The following SERPINB4 variants were observed in gnomAD, a reference collection of about 807,000 sequenced individuals.
SERPINB4 encodes the protein serpin B4.
A neutral mutation model predicts 33.2 loss-of-function variants in SERPINB4; 39 were observed. The observed-to-expected ratio is 1.18, with a 90% CI of 0.91 to 1.53. The LOEUF (loss-of-function observed/expected upper bound fraction) is 1.53, where lower values mean the gene tolerates loss of function less well. Among genes scored for constraint, SERPINB4 ranks in the 40% most tolerant of loss-of-function variants. The pLI is 0.00. For synonymous variants in SERPINB4, 191 were observed against 166.4 expected (o/e 1.15, Z -1.14); for missense variants, 564 against 455.4 (o/e 1.24, Z -2.17).
chr18:63,641,668 C>T, intron 4 of SERPINB4, 92 bp downstream of exon 4: 1 of 1,603,554 alleles, frequency 6.2e-7, no homozygotes, highest in African/African-American at 1.3e-5. Flanking sequence ...CTGAGTCGGC[C>T]AGGCTCATCT....
chr18:63,638,056 C>T lies in SERPINB4; in HGVS notation c.836G>A (p.Cys279Tyr). 8 of 1,613,536 alleles carry T rather than the reference C, an allele frequency of 5.0e-6. No homozygotes were observed. Among genetic ancestry groups the T allele is most frequent in the Non-Finnish European group, 6.8e-6 (8 of 1,179,700 alleles). Reference sequence around the variant, plus strand: ...GAACCGAGGTAAGTGTAAATCGACACATGTCTCTCTCATATTCTGCAAACT... The same window carrying T: ...GAACCGAGGTAAGTGTAAATCGACATATGTCTCTCTCATATTCTGCAAACT... ...WTSLQNMRET[C>Y]VDLHLPRFKM... The change falls in exon 8 of 8, where the codon TGT becomes TAT. Residue 279 changes from cysteine to tyrosine, a missense_variant. Physicochemically the swap from Cys to Tyr is radical, Grantham distance 194. Coordinates refer to ENST00000341074, the MANE Select transcript of SERPINB4 (RefSeq NM_002974.4).
In SERPINB4 at chr18:63,641,847, A is replaced by C. The variant is rs767504053; in HGVS notation, c.264T>G (p.Leu88=). The change falls in exon 4 of 8, where the codon CTT becomes CTG. Residue 88 remains leucine (L), a synonymous_variant. Transcript: ENST00000341074. ...CAGTGGATTTGTTGAATTCAGTCAG[A>C]AGCTTTTGAAACTGGTGATGAACAT... ...SGNVHHQFQK[L]LTEFNKSTDA... is the part of the protein sequence containing the mutation. 5 of 1,613,402 alleles carry C rather than the reference A, an allele frequency of 3.1e-6. No homozygotes were observed. The highest frequency in any genetic ancestry group is 4.2e-6 in the Non-Finnish European group (5 of 1,179,532).
chr18:63,643,001 T>A (rs1439642577), intron 3 of SERPINB4, 160 bp downstream of exon 3: 8 of 764,828 alleles, frequency 1.0e-5, no homozygotes, highest in Non-Finnish European at 1.7e-5. Context: ...TGAGGAATAA[T>A]AATTATGTGC....
In SERPINB4 at chr18:63,643,225, A is replaced by G. The variant is rs1913197026; in HGVS notation, c.166-8T>C. ...TTGATCAAAGTGAAGAACCTGGAAG[A>G]GACATGAAGCGGGACAAGAAAACTT... On this transcript the variant is annotated splice_region_variant and splice_polypyrimidine_tract_variant and intron_variant, in intron 2 of 7. Coordinates refer to ENST00000341074, the MANE Select transcript of SERPINB4 (RefSeq NM_002974.4). 6.2e-7 allele frequency: 1 copy of G among 1,613,418 alleles called. No individual in the cohort carries two copies. Among genetic ancestry groups the G allele is most frequent in the Non-Finnish European group, 8.5e-7 (1 of 1,179,628 alleles).
intron 3 of SERPINB4, among the ~76,000 whole-genome samples, chr18:63,642,174 G>C (rs1302900674): frequency 1.3e-5 from 2 of 152,056 alleles, no homozygotes; most frequent in African/African-American, 4.8e-5. Flanking sequence ...TGGTTTAAAG[G>C]GTTAGGTTTA....
At position 63,639,198 on chromosome 18, in the gene SERPINB4, T is replaced by C. The variant is rs1913039568; in HGVS notation, c.755A>G (p.Asp252Gly). The change falls in exon 7 of 8, where the codon GAT becomes GGT. Residue 252 changes from aspartate to glycine, a missense_variant. Physicochemically the swap from Asp to Gly is moderately conservative, Grantham distance 94 (BLOSUM62 -1). Coordinates refer to ENST00000341074, the MANE Select transcript of SERPINB4 (RefSeq NM_002974.4). ...SMIVLLPNEIDGLQKLEEKLT... is the reference protein window; with the variant it reads ...SMIVLLPNEIGGLQKLEEKLT... ...GCAAGTTCTTACCTTCTGCAGACCATCGATTTCATTTGGCAGCAGCACAAT... is the reference window on the plus strand; with the variant it reads ...GCAAGTTCTTACCTTCTGCAGACCACCGATTTCATTTGGCAGCAGCACAAT... 8 of 1,608,606 alleles carry C rather than the reference T, an allele frequency of 5.0e-6. No individual in the cohort carries two copies. Among genetic ancestry groups the C allele is most frequent in the Non-Finnish European group, 5.9e-6 (7 of 1,176,668 alleles).
chr18:63,639,235 C>A lies in SERPINB4; in HGVS notation c.718G>T (p.Asp240Tyr). Residue 240 changes from aspartate (D) to tyrosine (Y), a missense_variant, in exon 7 of 8, where the codon GAT becomes TAT. Coordinates refer to ENST00000341074, the MANE Select transcript of SERPINB4 (RefSeq NM_002974.4). The stretch of plus-strand genomic sequence containing the variant: ...GGCAGCAGCACAATCATGCTTAGAT[C>A]TTTGCCTTTGTATGGTATTTCCAGG... ...KVLEIPYKGK[D>Y]LSMIVLLPNE... 2 of 1,612,762 alleles carry A rather than the reference C, an allele frequency of 1.2e-6. No individual in the cohort carries two copies. Among genetic ancestry groups the A allele is most frequent in the Non-Finnish European group, 1.7e-6 (2 of 1,179,192 alleles).
intron 7 of SERPINB4, 147 bp from the exon 8 acceptor site, chr18:63,638,270 A>G: frequency 1.1e-6 from 1 of 906,816 alleles, no homozygotes; most frequent in Non-Finnish European, 1.6e-6. Context: ...TTATTCTAAT[A>G]GGTAAAATAT....
At chr18:63,641,203 T>C (rs1391767122) in intron 4 of SERPINB4, among the ~76,000 whole-genome samples, 3 of 152,004 alleles carry the variant, frequency 2.0e-5, no homozygotes, top group Non-Finnish European at 4.4e-5. Context: ...AAGGTCAATA[T>C]CATCTTGGCA....
chr18:63,641,070 A>C, intron 4 of SERPINB4, 79 bp from the exon 5 acceptor site: 1 of 1,211,182 alleles, frequency 8.3e-7, no homozygotes, highest in Non-Finnish European at 1.2e-6. Flanking sequence ...TATTTGTAAC[A>C]ACAGTAAGCT....
chr18:63,640,412 A>G (rs578209129), intron 5 of SERPINB4, among the ~76,000 whole-genome samples: 22 of 152,200 alleles, frequency 1.4e-4, no homozygotes, highest in South Asian at 8.3e-4. Context: ...TGCAGAACAC[A>G]TTGGCTACAG....
chr18:63,642,505 A>G (rs1198166099), intron 3 of SERPINB4, among the ~76,000 whole-genome samples: 2 of 152,122 alleles, frequency 1.3e-5, no homozygotes, highest in African/African-American at 2.4e-5. Context: ...CCCTGTTTAT[A>G]GAGACATAAA....
intron 5 of SERPINB4, among the ~76,000 whole-genome samples, chr18:63,640,442 A>G (rs1287724353): frequency 6.6e-6 from 1 of 152,104 alleles, no homozygotes; most frequent in African/African-American, 2.4e-5. Context: ...AGGCAGCTCC[A>G]GCTCAGAGAC....
intron 7 of SERPINB4, among the ~76,000 whole-genome samples, chr18:63,638,528 A>G (rs1913015990): frequency 6.6e-6 from 1 of 151,968 alleles, no homozygotes; most frequent in South Asian, 2.1e-4. Flanking sequence ...TGTATACATT[A>G]TTTAGTACAC....
rs1245937861 is a variant in SERPINB4 at position 63,639,517 on chromosome 18, CA to C, written c.612+116del. On this transcript the variant is annotated intron_variant, in intron 6 of 7. Coordinates refer to ENST00000341074, the MANE Select transcript of SERPINB4 (RefSeq NM_002974.4). Reference sequence around the variant, plus strand: ...AAATAAAGTTATAAGAGTAAAACAACAAAATAACAGACATGAACAATTTTTA... The same window carrying C: ...AAATAAAGTTATAAGAGTAAAACAACAAATAACAGACATGAACAATTTTTA... The C allele has an allele frequency of 2.9e-6, 3 of 1,022,356 alleles. No individual in the cohort carries two copies. The South Asian group carries it at 5.5e-5, about 19-fold the overall frequency. The allele number at this position is 1,022,356 out of a possible 1,614,324, so 63.3% of individuals were successfully genotyped here. A position where few individuals can be genotyped will look rare whatever the true frequency, so the allele number is the denominator to read the frequency against.
chr18:63,639,167 G>A lies in SERPINB4; in HGVS notation c.768+18C>T, dbSNP rs757856243. 18 of 1,574,832 alleles carry A rather than the reference G, an allele frequency of 1.1e-5. No homozygotes were observed. The highest frequency in any genetic ancestry group is 4.1e-4 in the Middle Eastern group (2 of 4,824). On this transcript the variant is annotated intron_variant, in intron 7 of 7. Coordinates refer to ENST00000341074, the MANE Select transcript of SERPINB4 (RefSeq NM_002974.4). ...ATGTCCGGCAGTAGAAGGAAGAGTT[G>A]TAGATGCAAGTTCTTACCTTCTGCA...
At chr18:63,639,544 T>C (rs1434201720) in intron 6 of SERPINB4, 90 bp downstream of exon 6, 1 of 1,083,120 alleles carries the variant, frequency 9.2e-7, no homozygotes, top group Non-Finnish European at 1.3e-6. Context: ...ACAATTTTTA[T>C]TTTTTACTTA....
chr18:63,643,424 G>T lies in SERPINB4; in HGVS notation c.154C>A (p.Gln52Lys), dbSNP rs1173221801. 4 of 1,613,684 alleles carry T rather than the reference G, an allele frequency of 2.5e-6. No individual in the cohort carries two copies. Among genetic ancestry groups the T allele is most frequent in the Admixed American group, 1.7e-5 (1 of 59,974 alleles). Reference protein sequence around the residue: ...LLGAKDNTAQQISKVLHFDQV... With the variant: ...LLGAKDNTAQKISKVLHFDQV... ...ATGCTGATAGCTACCTTGCTAATTT[G>T]TTGTGCAGTGTTGTCTTTGGCTCCT... Residue 52 changes from glutamine (Q) to lysine (K), a missense_variant, in exon 2 of 8, where the codon CAA becomes AAA. Transcript: ENST00000341074.
At chr18:63,638,441 G>T (rs935281114) in intron 7 of SERPINB4, among the ~76,000 whole-genome samples, 3 of 151,900 alleles carry the variant, frequency 2.0e-5, no homozygotes, top group Non-Finnish European at 4.4e-5. Flanking sequence ...TGTACACAAT[G>T]AACTGTATGT....
Sources: allele counts gnomAD v4.1 joint callset (sites outside exome capture counted in the v4.1 genomes callset), GRCh38; gene constraint gnomAD v4.1.1; transcripts MANE v1.5; gene names NCBI Gene and HGNC (gene_info 2026-07-23, HGNC 2026-07-21).